KCNN2: variants seen among roughly 807,000 people sequenced by gnomAD.
KCNN2 encodes the protein potassium calcium-activated channel subfamily N member 2, also known as small conductance calcium-activated potassium channel protein 2.
KCNN2 carries 24 observed loss-of-function variants against 55.5 expected under a neutral mutation model. That is an observed-to-expected ratio of 0.43 (90% CI 0.31 to 0.61). The LOEUF is 0.61. KCNN2 is among the 20% of genes least tolerant of loss of function. The pLI is 0.08. For missense variants in KCNN2, 754 were observed against 853.6 expected (o/e 0.88, Z 1.45); for synonymous variants, 431 against 336.1 (o/e 1.28, Z -3.09).
chr5:114,370,031 C>A (rs1240510387), intron 2 of KCNN2, among the ~76,000 whole-genome samples: 1 of 152,056 alleles, frequency 6.6e-6, no homozygotes, highest in Admixed American at 6.6e-5. Flanking sequence ...GAGAGAATTT[C>A]TACTCATTAA....
intron 3 of KCNN2, among the ~76,000 whole-genome samples, chr5:114,435,524 A>C (rs1759973224): frequency 1.3e-5 from 2 of 152,024 alleles, no homozygotes; most frequent in East Asian, 3.9e-4. Flanking sequence ...ATTGTGTCTC[A>C]CTCTAAACAA....
chr5:114,151,152 G>A (rs1235963214), intron 1 of KCNN2, among the ~76,000 whole-genome samples: 1 of 151,126 alleles, frequency 6.6e-6, no homozygotes, highest in Non-Finnish European at 1.5e-5. Flanking sequence ...ACTTTCTAGT[G>A]TAAAACAGAT....
At chr5:114,056,352 G>T in exon 1 of KCNN2, 3 of 398,612 alleles carry the variant, frequency 7.5e-6, no homozygotes, top group Non-Finnish European at 4.4e-6. Flanking sequence ...CTTCTCAGAT[G>T]GAAACAGTTT....
At chr5:114,352,982 G>A (rs1034453632) in intron 2 of KCNN2, among the ~76,000 whole-genome samples, 3 of 151,956 alleles carry the variant, frequency 2.0e-5, no homozygotes, top group East Asian at 1.9e-4. Flanking sequence ...ATTAAAAGTA[G>A]ACTATTAAAG....
At chr5:114,350,601 G>A (rs1561580918) in intron 2 of KCNN2, among the ~76,000 whole-genome samples, 1 of 151,832 alleles carries the variant, frequency 6.6e-6, no homozygotes, top group Non-Finnish European at 1.5e-5. Flanking sequence ...ATACATTTAG[G>A]TCTTTGATCT....
At chr5:114,287,789 A>C (rs1479424639) in intron 2 of KCNN2, among the ~76,000 whole-genome samples, 1 of 151,916 alleles carries the variant, frequency 6.6e-6, no homozygotes, top group Non-Finnish European at 1.5e-5. Flanking sequence ...CTCAGAGAGT[A>C]GGATGCTTTC....
At chr5:114,432,116 C>T (rs548782242) in intron 3 of KCNN2, among the ~76,000 whole-genome samples, 7 of 152,306 alleles carry the variant, frequency 4.6e-5, no homozygotes, top group South Asian at 4.1e-4. Context: ...AATTCAACTA[C>T]GTTGTTACTG....
At chr5:114,330,016 C>CTCTCTCT (rs144269331) in intron 2 of KCNN2, among the ~76,000 whole-genome samples, 61,292 of 151,322 alleles carry the variant, frequency 0.41, 13,128 homozygotes, top group East Asian at 0.84. Context: ...GGGAAACTCC[C>CTCTCTCT]TCTCTCTCCC....
intron 1 of KCNN2, among the ~76,000 whole-genome samples, chr5:114,150,926 C>A (rs1285993693): frequency 1.3e-5 from 2 of 152,076 alleles, no homozygotes; most frequent in African/African-American, 4.8e-5. Context: ...GAGGATGAGG[C>A]AGGAGAATTG....
intron 2 of KCNN2, among the ~76,000 whole-genome samples, chr5:114,384,869 C>T (rs896803267): frequency 2.6e-5 from 4 of 152,278 alleles, no homozygotes; most frequent in African/African-American, 9.6e-5. Context: ...ACACATTTGC[C>T]ATCACTTTCT....
chr5:114,071,588 A>G (rs1750570073), intron 1 of KCNN2, among the ~76,000 whole-genome samples: 1 of 152,186 alleles, frequency 6.6e-6, no homozygotes, highest in African/African-American at 2.4e-5. Context: ...AAATCAAATA[A>G]AAGTTCATTG....
intron 1 of KCNN2, among the ~76,000 whole-genome samples, chr5:114,165,834 GT>G (rs1485189764): frequency 2.0e-5 from 3 of 152,114 alleles, no homozygotes; most frequent in African/African-American, 7.2e-5. Flanking sequence ...GCGATTAGTA[GT>G]TAAGTTTTGG....
intron 1 of KCNN2, among the ~76,000 whole-genome samples, chr5:114,201,908 A>G (rs1753679781): frequency 6.6e-6 from 1 of 150,756 alleles, no homozygotes. Context: ...ACCACTCAGC[A>G]TTGAACTCTC....
rs536645451 is a variant in KCNN2 at position 114,226,153 on chromosome 5, T to TA, written c.-185+4596dup. 7.2e-5 allele frequency among the ~76,000 whole-genome samples: 11 copies of TA among 152,050 alleles called. No individual in the cohort carries two copies. In the South Asian group the frequency reaches 8.3e-4, roughly 11 times the overall value. ...AGGTTAGTATACAAATACATTTAAT[T>TA]AAAAAAAATACATTTTAACCTAAAG... On this transcript the variant is annotated intron_variant, in intron 2 of 10. Transcript: ENST00000512097.
At chr5:114,423,738 G>A (rs337683) in intron 3 of KCNN2, among the ~76,000 whole-genome samples, 72,648 of 151,992 alleles carry the variant, frequency 0.48, 19,434 homozygotes, top group African/African-American at 0.73. Flanking sequence ...GAGAGAAGCA[G>A]TCACTATAAT....
chr5:114,354,531 G>A lies in KCNN2; in HGVS notation c.-184-6414G>A, dbSNP rs1224243300. Among the ~76,000 whole-genome samples the A allele has an allele frequency of 2.0e-5, 3 of 152,034 alleles. No homozygotes were observed. The East Asian group carries it at 5.8e-4, about 29-fold the overall frequency. On this transcript the variant is annotated intron_variant, in intron 2 of 10. Coordinates refer to the KCNN2 transcript ENST00000512097. Reference sequence around the variant, plus strand: ...GGATTAAGCCAATACATATGAAGGAGGAGAATAATAAAATATCTAAGGAAA... The same window carrying A: ...GGATTAAGCCAATACATATGAAGGAAGAGAATAATAAAATATCTAAGGAAA...
chr5:114,088,652 C>T (rs1480121124), intron 1 of KCNN2, among the ~76,000 whole-genome samples: 2 of 152,092 alleles, frequency 1.3e-5, no homozygotes, highest in Non-Finnish European at 2.9e-5. Context: ...TGGAGTCTCG[C>T]TCTGTCGCCC....
chr5:114,447,557 T>C (rs900209082), intron 3 of KCNN2, among the ~76,000 whole-genome samples: 1 of 152,256 alleles, frequency 6.6e-6, no homozygotes, highest in Non-Finnish European at 1.5e-5. Context: ...GTTTGATTTT[T>C]GTAATTCTGA....
intron 1 of KCNN2, among the ~76,000 whole-genome samples, chr5:114,090,880 A>T (rs998741097): frequency 6.6e-6 from 1 of 151,724 alleles, no homozygotes; most frequent in Non-Finnish European, 1.5e-5. Context: ...ACAGGGTCTC[A>T]CTCTGTTGCC....
Sources: gnomAD v4.1 joint callset for allele counts (sites outside exome capture counted in the v4.1 genomes callset) on GRCh38, gnomAD v4.1.1 for gene constraint, MANE v1.5 for transcripts, NCBI Gene and HGNC (gene_info 2026-07-23, HGNC 2026-07-21) for gene names.